GDA: variants seen among roughly 807,000 people sequenced by gnomAD.
The protein encoded by GDA is guanine deaminase, also known as cytoplasmic PSD-95 interactor.
Under a neutral mutation model 59.6 loss-of-function variants are expected in GDA, and 18 were observed. The observed-to-expected ratio is 0.30, with a 90% confidence interval of 0.21 to 0.45. The LOEUF is 0.45. Ranked by LOEUF, GDA falls within the 20% of genes least tolerant of loss-of-function variation. The pLI, the probability that GDA is intolerant of heterozygous loss-of-function variation, is 1.00. For missense variants in GDA, 427 were observed against 552.3 expected, an observed-to-expected ratio of 0.77 and a Z score of 2.27; for synonymous variants, 201 against 201.1, an observed-to-expected ratio of 1.00 and a Z score of 0.00.
intron 3 of GDA, among the ~76,000 whole-genome samples, chr9:72,203,125 T>C (rs1245256160): frequency 1.3e-5 from 2 of 152,248 alleles, no homozygotes; most frequent in African/African-American, 4.8e-5. Flanking sequence ...TGACTCACTT[T>C]TCCCATCTGT....
At chr9:72,145,685 G>C (rs952618583), upstream of GDA, among the ~76,000 whole-genome samples, 4 of 152,200 alleles carry the variant, frequency 2.6e-5, no homozygotes, top group Non-Finnish European at 5.9e-5. Flanking sequence ...TGGGGAATTT[G>C]GGGGCTACTT....
intron 1 of GDA, among the ~76,000 whole-genome samples, chr9:72,169,987 C>G (rs1364795721): frequency 6.6e-6 from 1 of 152,178 alleles, no homozygotes; most frequent in Non-Finnish European, 1.5e-5. Flanking sequence ...GAGGTGTTCT[C>G]TCTATTCCAT....
intron 1 of GDA, among the ~76,000 whole-genome samples, chr9:72,182,539 C>G (rs1009202261): frequency 1.3e-5 from 2 of 152,112 alleles, no homozygotes; most frequent in African/African-American, 4.8e-5. Flanking sequence ...TGGAATTGTC[C>G]CGTTATTGGT....
At chr9:72,171,114 G>A (rs1411337094) in intron 1 of GDA, among the ~76,000 whole-genome samples, 7 of 152,274 alleles carry the variant, frequency 4.6e-5, no homozygotes, top group South Asian at 2.1e-4. Context: ...ACCATCCACC[G>A]TGCTCTGGGT....
intron 1 of GDA, among the ~76,000 whole-genome samples, chr9:72,190,872 T>A (rs896432916): frequency 3.3e-5 from 5 of 152,164 alleles, no homozygotes; most frequent in Admixed American, 2.0e-4. Context: ...GTGTAAAAAG[T>A]TTTTTTCATC....
At chr9:72,180,891 C>A (rs192399589) in intron 1 of GDA, among the ~76,000 whole-genome samples, 1 of 152,294 alleles carries the variant, frequency 6.6e-6, no homozygotes, top group Admixed American at 6.5e-5. Flanking sequence ...CTGATTATGA[C>A]CTTGTTTTAG....
At chr9:72,123,331 C>T (rs1313130623) in intron 1 of GDA, among the ~76,000 whole-genome samples, 1 of 151,122 alleles carries the variant, frequency 6.6e-6, no homozygotes, top group Non-Finnish European at 1.5e-5. Flanking sequence ...CTACAGGCAC[C>T]CGCCACCACA....
At chr9:72,169,301 T>A (rs1829685892) in intron 1 of GDA, among the ~76,000 whole-genome samples, 1 of 152,164 alleles carries the variant, frequency 6.6e-6, no homozygotes, top group Non-Finnish European at 1.5e-5. Context: ...CTGAGTTTCT[T>A]TTGTTAGTTT....
chr9:72,230,769 A>G (rs1838245180), intron 9 of GDA, among the ~76,000 whole-genome samples: 1 of 152,162 alleles, frequency 6.6e-6, no homozygotes, highest in South Asian at 2.1e-4. Context: ...ACATAAAAAG[A>G]TGTGTTGGTT....
chr9:72,158,674 T>C (rs1828237981), intron 1 of GDA, among the ~76,000 whole-genome samples: 1 of 152,198 alleles, frequency 6.6e-6, no homozygotes, highest in South Asian at 2.1e-4. Flanking sequence ...ATTATTTTTC[T>C]TTCTCTGAAG....
chr9:72,245,402 G>T (rs17057547), intron 12 of GDA, 124 bp downstream of exon 12: 1 of 662,472 alleles, frequency 1.5e-6, no homozygotes, highest in Non-Finnish European at 2.7e-6. Flanking sequence ...TAAAATGGAC[G>T]CTAGAGCCCT....
intron 1 of GDA, among the ~76,000 whole-genome samples, chr9:72,156,993 C>T (rs1438733430): frequency 2.0e-5 from 3 of 151,226 alleles, no homozygotes; most frequent in Non-Finnish European, 2.9e-5. Flanking sequence ...TGAACTACCC[C>T]TACCTGGAAC....
chr9:72,225,639 T>C (rs1351529470), intron 7 of GDA, 38 bp from the exon 8 acceptor site: 1 of 977,622 alleles, frequency 1.0e-6, no homozygotes, highest in Non-Finnish European at 1.6e-6. Flanking sequence ...AATGGTATTT[T>C]ACAGAAGAAA....
At chr9:72,182,995 A>C (rs1831431141) in intron 1 of GDA, among the ~76,000 whole-genome samples, 1 of 152,178 alleles carries the variant, frequency 6.6e-6, no homozygotes, top group Non-Finnish European at 1.5e-5. Context: ...TTCTGACTAT[A>C]TTCTAGCACT....
chr9:72,219,938 G>A (rs996842428), intron 6 of GDA, among the ~76,000 whole-genome samples: 1 of 152,124 alleles, frequency 6.6e-6, no homozygotes, highest in Non-Finnish European at 1.5e-5. Flanking sequence ...ATATCCAAAA[G>A]ATGCAAAATA....
chr9:72,226,290 C>T (rs1837575641), intron 8 of GDA, among the ~76,000 whole-genome samples: 1 of 151,994 alleles, frequency 6.6e-6, no homozygotes, highest in South Asian at 2.1e-4. Flanking sequence ...TTTTATCCAG[C>T]ATTCACAAAG....
At chr9:72,152,004 A>T (rs1827278225) in intron 1 of GDA, among the ~76,000 whole-genome samples, 1 of 152,176 alleles carries the variant, frequency 6.6e-6, no homozygotes, top group African/African-American at 2.4e-5. Flanking sequence ...TCTGGGCATC[A>T]TCCTCAGAGA....
chr9:72,182,916 T>G (rs1831423404), intron 1 of GDA, among the ~76,000 whole-genome samples: 1 of 152,244 alleles, frequency 6.6e-6, no homozygotes. Flanking sequence ...TTTATTTTGA[T>G]GCTCAAATTG....
rs1227881376 is a variant in GDA, at chr9:72,169,858, G to A, written c.123+20176G>A. 2.0e-5 allele frequency among the ~76,000 whole-genome samples: 3 copies of A among 152,116 alleles called. No homozygotes were observed. In the South Asian group the frequency reaches 6.2e-4, roughly 32 times the overall value. On this transcript the variant is annotated intron_variant, in intron 1 of 13. Transcript: ENST00000358399. Reference sequence around the variant, plus strand: ...TGGTTTTGTAATTAATGTGTCAGAAGGAAAACTGAAGCAAAGAAGTTTTCA... The same window carrying A: ...TGGTTTTGTAATTAATGTGTCAGAAAGAAAACTGAAGCAAAGAAGTTTTCA...
Sources: gnomAD v4.1 joint callset for allele counts (sites outside exome capture counted in the v4.1 genomes callset) on GRCh38, gnomAD v4.1.1 for gene constraint, MANE v1.5 for transcripts, NCBI Gene and HGNC (gene_info 2026-07-23, HGNC 2026-07-21) for gene names.